DAZAP1: variants seen among roughly 807,000 people sequenced by gnomAD.
DAZAP1 encodes the protein DAZ associated protein 1, also known as DAZ-associated protein 1.
In DAZAP1, 6 loss-of-function variants were observed where a neutral mutation model predicts 60.1. That is an observed-to-expected ratio of 0.10 (90% confidence interval 0.05 to 0.20). The LOEUF (loss-of-function observed/expected upper bound fraction) is 0.20, where lower values mean the gene tolerates loss of function less well. Ranked by LOEUF, DAZAP1 falls within the 10% of genes least tolerant of loss-of-function variation. The pLI is 1.00. For synonymous variants in DAZAP1, 235 were observed against 215.9 expected, an observed-to-expected ratio of 1.09 and a Z score of -0.78; for missense variants, 366 against 560.4, an observed-to-expected ratio of 0.65 and a Z score of 3.50.
intron 1 of DAZAP1, among the ~76,000 whole-genome samples, chr19:1,415,047 G>A (rs889209789): frequency 2.0e-5 from 3 of 152,040 alleles, no homozygotes; most frequent in Admixed American, 6.6e-5. Context: ...GATTATAGGC[G>A]TGATCTGCGC....
In DAZAP1 at chr19:1,423,104, A is replaced by G. The variant is rs1243515715; in HGVS notation, c.463+708A>G. On this transcript the variant is annotated intron_variant, in intron 6 of 11. Coordinates refer to ENST00000233078, the MANE Select transcript of DAZAP1 (RefSeq NM_018959.4). This position sits in a 1 kb window ranked among gnomAD's most constrained non-coding sequence, Gnocchi z 6.8. Reference sequence around the variant, plus strand: ...TGGCCGGCCACGTGAGCAGACCTGCAGCCTGGGTCTGCCCGCCACGTCCGT... The same window carrying G: ...TGGCCGGCCACGTGAGCAGACCTGCGGCCTGGGTCTGCCCGCCACGTCCGT... Among the ~76,000 whole-genome samples the G allele has an allele frequency of 6.6e-6, 1 of 151,564 alleles. No individual in the cohort carries two copies. Among genetic ancestry groups the G allele is most frequent in the Non-Finnish European group, 1.5e-5 (1 of 67,986 alleles).
Position 1,434,915 on chromosome 19 carries a change from C to G in DAZAP1, c.*3C>G. On this transcript the variant is annotated 3_prime_UTR_variant, in exon 12 of 12. Transcript: ENST00000233078. The surrounding 1 kb of genome is among the most constrained non-coding windows in gnomAD (Gnocchi z 8.0). ...GGTTCCACCCCTACCGACGCTAGCC[C>G]GCGGCGCCGCGACGTCTGCACGGCC... 1 of 1,442,324 alleles carries G rather than the reference C, an allele frequency of 6.9e-7. No homozygotes were observed. Among genetic ancestry groups the G allele is most frequent in the Non-Finnish European group, 9.1e-7 (1 of 1,096,156 alleles). 89.3% of individuals were successfully genotyped at this position (1,442,324 alleles called of 1,614,324 possible). A position where few individuals can be genotyped will look rare whatever the true frequency, so the allele number is the denominator to read the frequency against.
chr19:1,407,634 C>T lies in DAZAP1; in HGVS notation c.-140C>T. On this transcript the variant is annotated 5_prime_UTR_variant, in exon 1 of 12. Coordinates refer to ENST00000233078, the MANE Select transcript of DAZAP1 (RefSeq NM_018959.4). ...GGGAGGAGGCAGCCGCCGCCGCCGC[C>T]GCCGCCGCCGCCGCCGCCGCCGCCG... 2 of 830,516 alleles carry T rather than the reference C, an allele frequency of 2.4e-6. No individual in the cohort carries two copies. The highest frequency in any genetic ancestry group is 2.9e-6 in the Non-Finnish European group (2 of 687,884). The allele number at this position is 830,516 out of a possible 1,614,324, so 51.4% of individuals were successfully genotyped here. A position where few individuals can be genotyped will look rare whatever the true frequency, so the allele number is the denominator to read the frequency against.
Position 1,407,770 on chromosome 19 carries a change from CG to C in DAZAP1, c.-3del. 9.2e-7 allele frequency: 1 copy of C among 1,089,968 alleles called. No individual in the cohort carries two copies. Among genetic ancestry groups the C allele is most frequent in the South Asian group, 4.2e-5 (1 of 23,942 alleles). The allele number at this position is 1,089,968 out of a possible 1,614,324, so 67.5% of individuals were successfully genotyped here. A position where few individuals can be genotyped will look rare whatever the true frequency, so the allele number is the denominator to read the frequency against. On this transcript the variant is annotated 5_prime_UTR_variant, in exon 1 of 12. Transcript: ENST00000233078. ...GAGCGCCGAGCGTCGCCGCCGCCGC[CG>C]CCATGAACAACTCGGGCGCCGACGA...
chr19:1,426,208 T>G lies in DAZAP1; in HGVS notation c.546+248T>G. The G allele has an allele frequency of 4.4e-6, 2 of 458,644 alleles. No homozygotes were observed. The highest frequency in any genetic ancestry group is 4.0e-6 in the Non-Finnish European group (1 of 248,096). 28.4% of individuals were successfully genotyped at this position (458,644 alleles called of 1,614,324 possible). A position where few individuals can be genotyped will look rare whatever the true frequency, so the allele number is the denominator to read the frequency against. The stretch of plus-strand genomic sequence containing the variant: ...CCCCTCCCTCTGGGTGACCTGGGAC[T>G]GGGCGGGTAGGGGGCTGGGGCTGGG... On this transcript the variant is annotated intron_variant, in intron 7 of 11. Transcript: ENST00000233078. This position sits in a 1 kb window ranked among gnomAD's most constrained non-coding sequence, Gnocchi z 5.4.
chr19:1,429,019 A>C, intron 8 of DAZAP1, 24 bp downstream of exon 8: 1 of 1,551,560 alleles, frequency 6.4e-7, no homozygotes, highest in South Asian at 1.2e-5. Flanking sequence ...AGAGGTGCCC[A>C]CGGGAATGTC....
In DAZAP1 at chr19:1,433,478, T is replaced by C. The variant is rs2083508023; in HGVS notation, c.1048+788T>C. The C allele has an allele frequency of 1.9e-6, 1 of 517,510 alleles. No individual in the cohort carries two copies. Among genetic ancestry groups the C allele is most frequent in the African/African-American group, 1.9e-5 (1 of 51,504 alleles). The allele number at this position is 517,510 out of a possible 1,614,324, so 32.1% of individuals were successfully genotyped here. On this transcript the variant is annotated intron_variant, in intron 11 of 11. Transcript: ENST00000233078. This position sits in a 1 kb window ranked among gnomAD's most constrained non-coding sequence, Gnocchi z 6.1. The stretch of plus-strand genomic sequence containing the variant: ...GTGAACACGCTTCCTCTAGGCCTGG[T>C]GGAGGCCGGGGTGTGGGAGCTGTGT...
At chr19:1,429,144 G>A in intron 8 of DAZAP1, 149 bp downstream of exon 8, 2 of 1,110,312 alleles carry the variant, frequency 1.8e-6, no homozygotes, top group Non-Finnish European at 1.2e-6. Flanking sequence ...CCCGCGAGGT[G>A]CCGGCTGACA....
Position 1,425,837 on chromosome 19 carries a change from C to G in DAZAP1, c.464-41C>G, listed in dbSNP as rs1237942174. ...CTGTTCATCATCCTGTTTTGTGTCA[C>G]AACACCCTGCTACCTTGATTCACTC... On this transcript the variant is annotated intron_variant, in intron 6 of 11. Transcript: ENST00000233078. This position sits in a 1 kb window ranked among gnomAD's most constrained non-coding sequence, Gnocchi z 5.4. 1 of 1,370,884 alleles carries G rather than the reference C, an allele frequency of 7.3e-7. No individual in the cohort carries two copies. The allele number at this position is 1,370,884 out of a possible 1,614,324, so 84.9% of individuals were successfully genotyped here. A position where few individuals can be genotyped will look rare whatever the true frequency, so the allele number is the denominator to read the frequency against.
intron 1 of DAZAP1, among the ~76,000 whole-genome samples, chr19:1,413,786 A>G (rs986469560): frequency 4.6e-5 from 7 of 152,180 alleles, no homozygotes; most frequent in Non-Finnish European, 1.0e-4. Flanking sequence ...CAGATTCCAT[A>G]AGGACTGAGA....
Position 1,430,254 on chromosome 19 carries a change from G to GGCCCCCCCCCCC in DAZAP1, c.763_764insGCCCCCCCCCCC (p.Ala255delinsGlyProProProPro). ...TGGACCGCCCCCTGCAGGAAGAGGA[G>GGCCCCCCCCCCC]CCCCCCCGCCACCCCCACCGTTCAC... On this transcript the variant is annotated protein_altering_variant, in exon 10 of 12. Transcript: ENST00000233078. 6.9e-6 allele frequency: 9 copies of GGCCCCCCCCCCC among 1,295,216 alleles called. No individual in the cohort carries two copies. Among genetic ancestry groups the GGCCCCCCCCCCC allele is most frequent in the Non-Finnish European group, 8.7e-6 (8 of 924,032 alleles). 80.2% of individuals were successfully genotyped at this position (1,295,216 alleles called of 1,614,324 possible).
At chr19:1,410,194 GAA>G (rs1014060898) in intron 1 of DAZAP1, 2 of 152,282 alleles carry the variant, frequency 1.3e-5, no homozygotes, top group African/African-American at 4.8e-5. Context: ...GATGGGGGAT[GAA>G]AGTCAGCTGA....
chr19:1,409,545 C>T (rs2144683375), intron 1 of DAZAP1, among the ~76,000 whole-genome samples: 1 of 152,340 alleles, frequency 6.6e-6, no homozygotes, highest in South Asian at 2.1e-4. Flanking sequence ...CTGCTCTCCT[C>T]CCCGGCTGCC....
intron 10 of DAZAP1, among the ~76,000 whole-genome samples, chr19:1,430,654 A>G (rs2083425118): frequency 6.6e-6 from 1 of 151,726 alleles, no homozygotes; most frequent in Non-Finnish European, 1.5e-5. Flanking sequence ...CAGAGCCTGG[A>G]CTTCGTGTCT....
Position 1,425,759 on chromosome 19 carries a change from C to T in DAZAP1, c.464-119C>T. On this transcript the variant is annotated intron_variant, in intron 6 of 11. Transcript: ENST00000233078. The surrounding 1 kb of genome is among the most constrained non-coding windows in gnomAD (Gnocchi z 5.4). ...AGCTGCCCCAGGGGCCCGCAGCGCC[C>T]CACACACAGCTTAGCTGAAACCCAA... 1 of 765,396 alleles carries T rather than the reference C, an allele frequency of 1.3e-6. No homozygotes were observed. The highest frequency in any genetic ancestry group is 1.5e-5 in the South Asian group (1 of 66,848). 47.4% of individuals were successfully genotyped at this position (765,396 alleles called of 1,614,324 possible).
At chr19:1,431,219 C>A (rs907640050) in intron 10 of DAZAP1, among the ~76,000 whole-genome samples, 1 of 151,684 alleles carries the variant, frequency 6.6e-6, no homozygotes, top group Non-Finnish European at 1.5e-5. Context: ...AGCTCCACCT[C>A]CTGGGTTCAC....
At chr19:1,409,120 A>G (rs561381001) in intron 1 of DAZAP1, among the ~76,000 whole-genome samples, 2 of 152,236 alleles carry the variant, frequency 1.3e-5, no homozygotes, top group Admixed American at 6.5e-5. Flanking sequence ...GGATGAAAGC[A>G]CTTAGCCCCT....
chr19:1,421,409 C>A, intron 5 of DAZAP1, 151 bp downstream of exon 5: 1 of 672,828 alleles, frequency 1.5e-6, no homozygotes, highest in Non-Finnish European at 2.5e-6. Context: ...CGCCTGCGCC[C>A]TCCGGAAAGG....
At position 1,418,624 on chromosome 19, in the gene DAZAP1, C is replaced by T; in HGVS notation, c.238-42C>T. On this transcript the variant is annotated intron_variant, in intron 3 of 11. Coordinates refer to ENST00000233078, the MANE Select transcript of DAZAP1 (RefSeq NM_018959.4). The surrounding 1 kb of genome is among the most constrained non-coding windows in gnomAD (Gnocchi z 5.7). Reference sequence around the variant, plus strand: ...GCTGACACCCTCTTTCCTAGAGAAACAGCCTCTTATTCACAACCAGCTGAT... The same window carrying T: ...GCTGACACCCTCTTTCCTAGAGAAATAGCCTCTTATTCACAACCAGCTGAT... The T allele has an allele frequency of 6.2e-7, 1 of 1,612,230 alleles. No homozygotes were observed. Among genetic ancestry groups the T allele is most frequent in the South Asian group, 1.1e-5 (1 of 91,016 alleles).
Sources: gnomAD v4.1 joint callset for allele counts (sites outside exome capture counted in the v4.1 genomes callset) on GRCh38, gnomAD v4.1.1 for gene constraint, Gnocchi (gnomAD v3.1) non-coding constraint, MANE v1.5 for transcripts, NCBI Gene and HGNC (gene_info 2026-07-23, HGNC 2026-07-21) for gene names.